The following OR9Q1 variants were observed in gnomAD, a reference collection of about 807,000 sequenced individuals.
OR9Q1 encodes olfactory receptor family 9 subfamily Q member 1.
For missense variants in OR9Q1, 374 were observed against 378.8 expected, an observed-to-expected ratio of 0.99 and a Z score of 0.11; for synonymous variants, 153 against 148.6, an observed-to-expected ratio of 1.03 and a Z score of -0.22.
chr11:58,155,443 G>A (rs1237950077), intron 2 of OR9Q1, among the ~76,000 whole-genome samples: 1 of 152,218 alleles, frequency 6.6e-6, no homozygotes, highest in South Asian at 2.1e-4. Context: ...GTGTGGTTTA[G>A]TACTTACTTT....
Position 58,129,243 on chromosome 11 carries a change from G to C in OR9Q1, c.-14-50188G>C, listed in dbSNP as rs995718402. Among the ~76,000 whole-genome samples, 919 of 103,326 alleles carry C rather than the reference G, an allele frequency of 8.9e-3. 2 individuals are homozygous for C. Among genetic ancestry groups the C allele is most frequent in the Middle Eastern group, 0.028 (4 of 142 alleles). 67.8% of individuals were successfully genotyped at this position (103,326 alleles called of 152,430 possible). A position where few individuals can be genotyped will look rare whatever the true frequency, so the allele number is the denominator to read the frequency against. ...GGGCCAGGCAGAGCAATTCGTGTGTGTGTGTGTGTGTGTGTGTGTGTGTGT... is the reference window on the plus strand; with the variant it reads ...GGGCCAGGCAGAGCAATTCGTGTGTCTGTGTGTGTGTGTGTGTGTGTGTGT... On this transcript the variant is annotated intron_variant, in intron 2 of 2. Coordinates refer to ENST00000335397, the MANE Select transcript of OR9Q1 (RefSeq NM_001005212.4).
chr11:58,047,995 T>A (rs1028445060), intron 1 of OR9Q1, among the ~76,000 whole-genome samples: 1 of 152,194 alleles, frequency 6.6e-6, no homozygotes, highest in Admixed American at 6.5e-5. Context: ...AGAGCTCTGT[T>A]TTCTCATGTT....
At chr11:58,069,970 T>C (rs1490368935) in intron 2 of OR9Q1, among the ~76,000 whole-genome samples, 1 of 152,102 alleles carries the variant, frequency 6.6e-6, no homozygotes, top group Non-Finnish European at 1.5e-5. Flanking sequence ...GCAGCAGAGC[T>C]GTGTGTCCCA....
In OR9Q1 at chr11:58,152,946, C is replaced by G. The variant is rs115105401; in HGVS notation, c.-14-26485C>G. Among the ~76,000 whole-genome samples, 1,065 of 152,262 alleles carry G rather than the reference C, an allele frequency of 7.0e-3. 10 individuals carry two copies. The highest frequency in any genetic ancestry group is 0.019 in the African/African-American group (774 of 41,544). ...CATGTCTCCCTCTGGAATCCGAGCT[C>G]CAGGAGGGCGGGCACTTAGCTTGTG... On this transcript the variant is annotated intron_variant, in intron 2 of 2. Transcript: ENST00000335397.
chr11:58,150,648 G>T (rs1280150734), intron 2 of OR9Q1, among the ~76,000 whole-genome samples: 2 of 152,156 alleles, frequency 1.3e-5, no homozygotes, highest in African/African-American at 4.8e-5. Context: ...TGTTCGTGGT[G>T]ATGCTGGTGT....
intron 1 of OR9Q1, chr11:58,044,010 A>G (rs1853192041): frequency 6.6e-6 from 1 of 152,212 alleles, no homozygotes; most frequent in Admixed American, 6.5e-5. Context: ...TCTTAGTAAA[A>G]TAAAGATTAT....
Position 58,092,604 on chromosome 11 carries a change from T to G in OR9Q1, c.-15+36657T>G, listed in dbSNP as rs182938352. On this transcript the variant is annotated intron_variant, in intron 2 of 2. Coordinates refer to ENST00000335397, the MANE Select transcript of OR9Q1 (RefSeq NM_001005212.4). ...AAGTCGATATATTCTAAGCCACAAT[T>G]ATGCATTTTCAGAATTACATGTCAT... is the stretch of plus-strand genomic sequence containing the variant. 4.3e-4 allele frequency among the ~76,000 whole-genome samples: 66 copies of G among 152,324 alleles called. 1 individual carries two copies. Among genetic ancestry groups the G allele is most frequent in the Admixed American group, 3.7e-3 (57 of 15,288 alleles).
chr11:58,126,716 T>C (rs1854093680), intron 2 of OR9Q1, among the ~76,000 whole-genome samples: 1 of 151,994 alleles, frequency 6.6e-6, no homozygotes, highest in South Asian at 2.1e-4. Flanking sequence ...GTGGTAAGAG[T>C]ATATGTAGTG....
chr11:58,152,743 C>G (rs1163063448), intron 2 of OR9Q1, among the ~76,000 whole-genome samples: 2 of 152,118 alleles, frequency 1.3e-5, no homozygotes, highest in Admixed American at 1.3e-4. Flanking sequence ...TCTTTTATAG[C>G]TTCTAGGTTT....
At chr11:58,045,824 G>C (rs1853210944) in intron 1 of OR9Q1, among the ~76,000 whole-genome samples, 1 of 152,160 alleles carries the variant, frequency 6.6e-6, no homozygotes, top group Admixed American at 6.6e-5. Flanking sequence ...AGGGTTCCTT[G>C]AGTCCAGGGT....
chr11:58,091,934 T>A (rs1429300307), intron 2 of OR9Q1, among the ~76,000 whole-genome samples: 1 of 152,142 alleles, frequency 6.6e-6, no homozygotes, highest in African/African-American at 2.4e-5. Context: ...TGGTTTAAAG[T>A]CTGTTCTATC....
At chr11:58,088,134 C>T (rs1020310636) in intron 2 of OR9Q1, among the ~76,000 whole-genome samples, 19 of 151,928 alleles carry the variant, frequency 1.3e-4, no homozygotes, top group African/African-American at 4.6e-4. Flanking sequence ...AGCCACCGCA[C>T]CCGGCCTGAC....
At chr11:58,101,317 A>C (rs937206221) in intron 2 of OR9Q1, among the ~76,000 whole-genome samples, 12 of 152,098 alleles carry the variant, frequency 7.9e-5, no homozygotes, top group Admixed American at 2.0e-4. Flanking sequence ...TTGACTTTTT[A>C]ATAATGGCTA....
intron 2 of OR9Q1, among the ~76,000 whole-genome samples, chr11:58,064,073 A>G (rs1279825762): frequency 2.0e-5 from 3 of 152,152 alleles, no homozygotes; most frequent in Non-Finnish European, 4.4e-5. Context: ...AGCCTGTTTA[A>G]GACATCGATA....
intron 1 of OR9Q1, among the ~76,000 whole-genome samples, chr11:58,053,632 A>ATATATAT (rs1554965508): frequency 0.32 from 37,735 of 117,166 alleles, 7,314 homozygotes; most frequent in African/African-American, 0.5. Flanking sequence ...TATATAAAAT[A>ATATATAT]TATATATATA....
At chr11:58,173,140 TTTATTA>T (rs893760419) in intron 2 of OR9Q1, among the ~76,000 whole-genome samples, 18 of 152,030 alleles carry the variant, frequency 1.2e-4, no homozygotes, top group African/African-American at 1.7e-4. Context: ...TTTATTTTAT[TTTATTA>T]TTATTATACT....
intron 2 of OR9Q1, among the ~76,000 whole-genome samples, chr11:58,060,883 T>C (rs1462772597): frequency 6.6e-6 from 1 of 152,168 alleles, no homozygotes; most frequent in African/African-American, 2.4e-5. Flanking sequence ...CAGCCTTCCC[T>C]GATCCCTGCT....
At chr11:58,037,674 T>C (rs1853114772) in intron 1 of OR9Q1, among the ~76,000 whole-genome samples, 1 of 10,750 alleles carries the variant, frequency 9.3e-5, no homozygotes, top group Non-Finnish European at 2.8e-4. Context: ...TATATATATA[T>C]ATATATATAT....
chr11:58,154,470 G>C (rs1854386869), intron 2 of OR9Q1, among the ~76,000 whole-genome samples: 1 of 146,308 alleles, frequency 6.8e-6, no homozygotes, highest in African/African-American at 2.5e-5. Flanking sequence ...TTATTTTGTT[G>C]CATCTTTATA....
Sources: gnomAD v4.1 joint callset for allele counts (sites outside exome capture counted in the v4.1 genomes callset) on GRCh38, gnomAD v4.1.1 for gene constraint, MANE v1.5 for transcripts, NCBI Gene and HGNC (gene_info 2026-07-23, HGNC 2026-07-21) for gene names.